The following STRIP2 variants were observed in gnomAD, a reference collection of about 807,000 sequenced individuals.
The protein encoded by STRIP2 is striatin-interacting protein 2.
STRIP2 carries 84 observed loss-of-function variants against 107.1 expected under a neutral mutation model. The observed-to-expected ratio is 0.78, with a 90% CI of 0.66 to 0.94. STRIP2 has a LOEUF of 0.94. STRIP2 is among the 40% of genes least tolerant of loss of function. STRIP2 has a pLI of 0.00. For missense variants in STRIP2, 888 were observed against 1,034.2 expected (o/e 0.86, Z 1.94); for synonymous variants, 394 against 400.4 (o/e 0.98, Z 0.19).
chr7:129,467,207 C>T, intron 16 of STRIP2, 143 bp from the exon 17 acceptor site: 1 of 631,212 alleles, frequency 1.6e-6, no homozygotes, highest in Non-Finnish European at 2.7e-6. Context: ...TTCCCATTTC[C>T]CAGACAGGAA....
chr7:129,464,710 A>G lies in STRIP2; in HGVS notation c.1748A>G (p.Lys583Arg), dbSNP rs1219198709. The G allele has an allele frequency of 4.3e-6, 7 of 1,614,048 alleles. No individual in the cohort carries two copies. Among genetic ancestry groups the G allele is most frequent in the Non-Finnish European group, 5.9e-6 (7 of 1,180,006 alleles). ...SISTLLLLLL[K>R]HFKLNHIYQF... ...TCTACCCTGCTTCTGCTACTCCTCA[A>G]ACACTTCAAACTCAACCATATCTAC... Residue 583 changes from lysine (K) to arginine (R), a missense_variant, in exon 16 of 21, where the codon AAA (lysine) becomes AGA (arginine). Transcript: ENST00000249344.
chr7:129,485,690 C>T lies in STRIP2; in HGVS notation c.2366C>T (p.Pro789Leu), dbSNP rs1281255298. The T allele has an allele frequency of 1.2e-6, 2 of 1,614,006 alleles. No individual in the cohort carries two copies. The highest frequency in any genetic ancestry group is 2.2e-5 in the East Asian group (1 of 44,880). The part of the protein sequence containing the change: ...YDRPQDSEFS[P>L]VDNCLQSVLG... Reference sequence around the variant, plus strand: ...AGACCCCAGGACTCTGAGTTTTCACCTGTGGATAACTGCTTGCAGAGCGTA... The same window carrying T: ...AGACCCCAGGACTCTGAGTTTTCACTTGTGGATAACTGCTTGCAGAGCGTA... The change falls in exon 21 of 21, where the codon CCT (proline) becomes CTT (leucine). Residue 789 changes from proline to leucine, a missense_variant. Coordinates refer to ENST00000249344, the MANE Select transcript of STRIP2 (RefSeq NM_020704.3).
chr7:129,469,932 A>AT (rs1399626690), intron 17 of STRIP2, among the ~76,000 whole-genome samples: 1 of 152,208 alleles, frequency 6.6e-6, no homozygotes, highest in Non-Finnish European at 1.5e-5. Flanking sequence ...GCTAGTCCAG[A>AT]TTCTGTATTG....
At chr7:129,482,253 G>A (rs998537816) in intron 19 of STRIP2, among the ~76,000 whole-genome samples, 5 of 150,828 alleles carry the variant, frequency 3.3e-5, no homozygotes, top group African/African-American at 7.3e-5. Context: ...GATATGTGTG[G>A]CTGACAAAAT....
intron 2 of STRIP2, 112 bp from the exon 3 acceptor site, chr7:129,443,912 A>G: frequency 1.3e-6 from 1 of 783,108 alleles, no homozygotes; most frequent in Non-Finnish European, 2.2e-6. Flanking sequence ...CTTTGGATTC[A>G]TTGGACACAG....
rs755039814 is a variant in STRIP2 at position 129,485,772 on chromosome 7, C to CGA, written c.2456_2457dup (p.Val820ArgfsTer18). 58 of 1,613,950 alleles carry CGA rather than the reference C, an allele frequency of 3.6e-5. No individual in the cohort carries two copies. Among genetic ancestry groups the CGA allele is most frequent in the Non-Finnish European group, 4.8e-5 (57 of 1,180,036 alleles). On this transcript the variant is annotated frameshift_variant, in exon 21 of 21. Coordinates refer to ENST00000249344, the MANE Select transcript of STRIP2 (RefSeq NM_020704.3). LOFTEE classifies it high-confidence loss of function. ...TCCACTATTCATATGAGCTCTGGCT[C>CGA]GAGAGAGAGGTGTTTTCACAGCCCA... is the stretch of plus-strand genomic sequence containing the variant.
At chr7:129,464,209 A>T in intron 15 of STRIP2, 68 bp downstream of exon 15, 1 of 1,186,118 alleles carries the variant, frequency 8.4e-7, no homozygotes, top group Non-Finnish European at 1.2e-6. Flanking sequence ...TCTAGTCCCC[A>T]CTCACCTTGT....
chr7:129,443,712 G>T (rs1444260808), intron 2 of STRIP2, among the ~76,000 whole-genome samples: 1 of 152,230 alleles, frequency 6.6e-6, no homozygotes, highest in Non-Finnish European at 1.5e-5. Flanking sequence ...AGGAGTTGCA[G>T]CCCTGAGAAA....
chr7:129,452,399 G>T (rs113123711), intron 4 of STRIP2, among the ~76,000 whole-genome samples: 51 of 152,122 alleles, frequency 3.4e-4, no homozygotes, highest in African/African-American at 1.1e-3. Context: ...AAAAAAAATT[G>T]TAAAATAAAA....
chr7:129,444,679 T>C (rs1797987846), intron 3 of STRIP2, among the ~76,000 whole-genome samples: 1 of 152,006 alleles, frequency 6.6e-6, no homozygotes, highest in African/African-American at 2.4e-5. Flanking sequence ...CTCATACACA[T>C]CTCCTGAGAT....
rs1356043138 is a variant in STRIP2 at position 129,458,861 on chromosome 7, C to T, written c.1340+84C>T. 7.5e-7 allele frequency: 1 copy of T among 1,337,440 alleles called. No individual in the cohort carries two copies. Among genetic ancestry groups the T allele is most frequent in the Admixed American group, 1.7e-5 (1 of 57,918 alleles). 82.8% of individuals were successfully genotyped at this position (1,337,440 alleles called of 1,614,324 possible). The stretch of plus-strand genomic sequence containing the variant: ...AGGTAGCTTGGAATGAGGGATGGTG[C>T]CTGGTGGTCATAATGTAACCTAGAG... On this transcript the variant is annotated intron_variant, in intron 11 of 20. Transcript: ENST00000249344. This position sits in a 1 kb window ranked among gnomAD's most constrained non-coding sequence, Gnocchi z 4.6.
intron 3 of STRIP2, among the ~76,000 whole-genome samples, chr7:129,445,253 G>T (rs1455827312): frequency 1.3e-5 from 2 of 152,072 alleles, no homozygotes; most frequent in African/African-American, 4.8e-5. Context: ...TGGAGTAGTA[G>T]ACTGATTTCA....
chr7:129,458,842 C>A lies in STRIP2; in HGVS notation c.1340+65C>A. 1 of 1,517,580 alleles carries A rather than the reference C, an allele frequency of 6.6e-7. No individual in the cohort carries two copies. The highest frequency in any genetic ancestry group is 9.1e-7 in the Non-Finnish European group (1 of 1,093,314). 94.0% of individuals were successfully genotyped at this position (1,517,580 alleles called of 1,614,324 possible). The stretch of plus-strand genomic sequence containing the variant: ...CCTAGGGGGCCAGAGGAGCAGGTAG[C>A]TTGGAATGAGGGATGGTGCCTGGTG... On this transcript the variant is annotated intron_variant, in intron 11 of 20. Transcript: ENST00000249344. The surrounding 1 kb of genome is among the most constrained non-coding windows in gnomAD (Gnocchi z 4.6).
chr7:129,451,853 T>C, intron 4 of STRIP2, 106 bp downstream of exon 4: 1 of 1,402,880 alleles, frequency 7.1e-7, no homozygotes, highest in Non-Finnish European at 9.8e-7. Flanking sequence ...CAAGGTTTCT[T>C]GCCTCTCAAG....
chr7:129,481,517 A>AATG (rs1483533587), intron 19 of STRIP2, among the ~76,000 whole-genome samples: 1 of 152,070 alleles, frequency 6.6e-6, no homozygotes, highest in Non-Finnish European at 1.5e-5. Context: ...TAATAATAAT[A>AATG]ATAATGAAAG....
intron 18 of STRIP2, among the ~76,000 whole-genome samples, chr7:129,470,924 A>G (rs1798775642): frequency 1.3e-5 from 2 of 152,248 alleles, no homozygotes; most frequent in African/African-American, 4.8e-5. Flanking sequence ...AGCATTTTTC[A>G]GAGAAGAGGA....
At chr7:129,438,904 G>T (rs937985536) in intron 1 of STRIP2, among the ~76,000 whole-genome samples, 1 of 152,184 alleles carries the variant, frequency 6.6e-6, no homozygotes, top group African/African-American at 2.4e-5. Flanking sequence ...GTATGGGTTT[G>T]GGGTGATGCA....
In STRIP2 at chr7:129,459,535, T is replaced by G. The variant is rs1237871434; in HGVS notation, c.1359T>G (p.Val453=). The G allele has an allele frequency of 1.2e-6, 2 of 1,614,044 alleles. No individual in the cohort carries two copies. The highest frequency in any genetic ancestry group is 4.5e-5 in the East Asian group (2 of 44,872). ...FTLGQDTDTL[V]GLPRPIHESV... is the part of the protein sequence containing the mutation. The stretch of plus-strand genomic sequence containing the variant: ...TTTACAGGGACACAGATACATTGGT[T>G]GGATTACCCAGGCCCATCCATGAGA... Residue 453 remains valine (V), a synonymous_variant, in exon 12 of 21, where the codon GTT becomes GTG. Coordinates refer to ENST00000249344, the MANE Select transcript of STRIP2 (RefSeq NM_020704.3).
chr7:129,451,475 C>T, intron 3 of STRIP2, 138 bp from the exon 4 acceptor site: 3 of 1,185,254 alleles, frequency 2.5e-6, no homozygotes, highest in Non-Finnish European at 2.4e-6. Flanking sequence ...CTTATTCTTT[C>T]TCAGTGAAAT....
Sources: gnomAD v4.1 joint callset for allele counts (sites outside exome capture counted in the v4.1 genomes callset) on GRCh38, gnomAD v4.1.1 for gene constraint, Gnocchi (gnomAD v3.1) non-coding constraint, MANE v1.5 for transcripts, NCBI Gene and HGNC (gene_info 2026-07-23, HGNC 2026-07-21) for gene names.